The following PIWIL1 variants were observed in gnomAD, a reference collection of about 807,000 sequenced individuals.
The protein encoded by PIWIL1 is piwi-like protein 1.
In PIWIL1, 73 loss-of-function variants were observed where a neutral mutation model predicts 114.4. That is an observed-to-expected ratio of 0.64 (90% CI 0.53 to 0.78). The LOEUF (loss-of-function observed/expected upper bound fraction) is 0.78. Among genes scored for constraint, PIWIL1 ranks in the 30% least tolerant of loss-of-function variants. PIWIL1 has a pLI of 0.00. For synonymous variants in PIWIL1, 375 were observed against 369.0 expected, an observed-to-expected ratio of 1.02 and a Z score of -0.19; for missense variants, 723 against 1,063.1, an observed-to-expected ratio of 0.68 and a Z score of 4.45.
intron 9 of PIWIL1, among the ~76,000 whole-genome samples, chr12:130,352,508 G>A (rs888163351): frequency 6.6e-6 from 1 of 152,008 alleles, no homozygotes; most frequent in Admixed American, 6.6e-5. Flanking sequence ...GTGAAACCTC[G>A]TCTCTACTAA....
At chr12:130,392,540 A>G in the PIWIL1 span, among the ~76,000 whole-genome samples, 6 of 80,416 alleles carry the variant, frequency 7.5e-5, 1 homozygote, top group African/African-American at 2.1e-4. Context: ...GTGATGACCC[A>G]GTCACCATCA....
the PIWIL1 span, among the ~76,000 whole-genome samples, chr12:130,381,364 G>T: frequency 1.3e-5 from 2 of 152,154 alleles, no homozygotes; most frequent in Non-Finnish European, 2.9e-5. Context: ...AACCACTCAT[G>T]TTTTCACTGT....
At chr12:130,400,982 T>C in the PIWIL1 span, among the ~76,000 whole-genome samples, 6 of 152,194 alleles carry the variant, frequency 3.9e-5, no homozygotes, top group Non-Finnish European at 7.3e-5. Context: ...GAAGGTGAGA[T>C]GGTGCAGCTG....
In PIWIL1 at chr12:130,346,390, A is replaced by G. The variant is rs779913101; in HGVS notation, c.337A>G (p.Arg113Gly). The G allele has an allele frequency of 9.3e-6, 15 of 1,613,276 alleles. No homozygotes were observed. In the East Asian group the frequency reaches 3.3e-4, roughly 36 times the overall value. ...SKTGSSGIIV[R>G]LSTNHFRLTS... Reference sequence around the variant, plus strand: ...TCCAGGTTCTTCAGGCATTATAGTAAGGTTAAGCACTAACCATTTCCGGCT... The same window carrying G: ...TCCAGGTTCTTCAGGCATTATAGTAGGGTTAAGCACTAACCATTTCCGGCT... Residue 113 changes from arginine to glycine, a missense_variant, in exon 5 of 21, where the codon AGG (arginine) becomes GGG (glycine). Around this residue, in one of 8 missense-constraint regions of PIWIL1, gnomAD observed 190 missense variants for 294.4 expected, o/e 0.65. Coordinates refer to ENST00000245255, the MANE Select transcript of PIWIL1 (RefSeq NM_004764.5).
At chr12:130,363,782 T>G (rs942797161) in intron 18 of PIWIL1, among the ~76,000 whole-genome samples, 2 of 151,938 alleles carry the variant, frequency 1.3e-5, no homozygotes, top group South Asian at 4.2e-4. Flanking sequence ...CACACCTGGC[T>G]AATTTATGTA....
At chr12:130,411,235 G>A in the PIWIL1 span, among the ~76,000 whole-genome samples, 30 of 152,086 alleles carry the variant, frequency 2.0e-4, no homozygotes, top group Admixed American at 1.6e-3. Context: ...TTAGTTCTAG[G>A]AACTTTTTTA....
chr12:130,392,079 G>GTGTCC, the PIWIL1 span, among the ~76,000 whole-genome samples: 1 of 124,010 alleles, frequency 8.1e-6, no homozygotes, highest in Non-Finnish European at 1.8e-5. Context: ...GTCATCACGT[G>GTGTCC]GATGCATCAG....
At chr12:130,349,805 T>C in intron 8 of PIWIL1, 51 bp from the exon 9 acceptor site, 1 of 1,020,106 alleles carries the variant, frequency 9.8e-7, no homozygotes, top group Non-Finnish European at 1.5e-6. Context: ...CTTTTTAATA[T>C]TAGTTCTTCA....
chr12:130,412,604 G>T, the PIWIL1 span: 1 of 1,610,582 alleles, frequency 6.2e-7, no homozygotes, highest in South Asian at 1.1e-5. Context: ...AGGTCGAATA[G>T]GGGTTTGCGC....
intron 12 of PIWIL1, 97 bp downstream of exon 12, chr12:130,355,764 C>T: frequency 1.2e-6 from 1 of 849,594 alleles, no homozygotes; most frequent in Non-Finnish European, 2.0e-6. Context: ...CAGCTCACTG[C>T]AAGCTCCGAG....
At chr12:130,380,492 A>G in the PIWIL1 span, among the ~76,000 whole-genome samples, 1 of 152,214 alleles carries the variant, frequency 6.6e-6, no homozygotes, top group Non-Finnish European at 1.5e-5. Flanking sequence ...GTCGGGGTGG[A>G]GGGGAAAGGC....
At chr12:130,374,707 C>A (rs2073853362), downstream of PIWIL1, among the ~76,000 whole-genome samples, 1 of 152,220 alleles carries the variant, frequency 6.6e-6, no homozygotes, top group South Asian at 2.1e-4. Context: ...AACCCCACGA[C>A]CAGTGGCATG....
At chr12:130,354,796 G>A (rs2073319313) in intron 10 of PIWIL1, 92 bp from the exon 11 acceptor site, 10 of 1,402,786 alleles carry the variant, frequency 7.1e-6, no homozygotes, top group Non-Finnish European at 9.8e-6. Flanking sequence ...TTTGTCTCCT[G>A]GGAATTCCCA....
chr12:130,373,424 T>C (rs1441451372), downstream of PIWIL1, among the ~76,000 whole-genome samples: 5 of 152,144 alleles, frequency 3.3e-5, no homozygotes, highest in Non-Finnish European at 7.4e-5. Flanking sequence ...AATGTGATAA[T>C]TGTGGAAAAG....
chr12:130,371,748 T>C lies in PIWIL1; in HGVS notation c.*150T>C, dbSNP rs1487048245. The C allele has an allele frequency of 2.3e-5, 11 of 478,338 alleles. No individual in the cohort carries two copies. Among genetic ancestry groups the C allele is most frequent in the Non-Finnish European group, 3.7e-5 (10 of 268,314 alleles). 29.6% of individuals were successfully genotyped at this position (478,338 alleles called of 1,614,324 possible). ...TAGCATTTTATTTCTAGCATTGCTA[T>C]TCACCGGCTTCCTTATTTTATACGT... is the stretch of plus-strand genomic sequence containing the variant. On this transcript the variant is annotated 3_prime_UTR_variant, in exon 21 of 21. Coordinates refer to ENST00000245255, the MANE Select transcript of PIWIL1 (RefSeq NM_004764.5).
the PIWIL1 span, among the ~76,000 whole-genome samples, chr12:130,410,445 T>G: frequency 6.6e-6 from 1 of 152,200 alleles, no homozygotes; most frequent in East Asian, 1.9e-4. Context: ...CGTTGCCTGA[T>G]TATTATAAAG....
chr12:130,370,586 A>T (rs2073792258), intron 19 of PIWIL1, among the ~76,000 whole-genome samples: 1 of 152,176 alleles, frequency 6.6e-6, no homozygotes, highest in African/African-American at 2.4e-5. Context: ...TTCCCAATGG[A>T]TGGCTATACT....
intron 19 of PIWIL1, among the ~76,000 whole-genome samples, chr12:130,370,334 A>G (rs1204006090): frequency 6.6e-6 from 1 of 152,030 alleles, no homozygotes; most frequent in Non-Finnish European, 1.5e-5. Flanking sequence ...AGATTCAACC[A>G]ACCTCGGATC....
chr12:130,340,348 T>C (rs1386660530), intron 1 of PIWIL1, among the ~76,000 whole-genome samples: 2 of 152,082 alleles, frequency 1.3e-5, no homozygotes, highest in Non-Finnish European at 2.9e-5. Context: ...CAGGGACCGA[T>C]TTCCTGGAAG....
Sources: allele counts gnomAD v4.1 joint callset (sites outside exome capture counted in the v4.1 genomes callset), GRCh38; gene constraint gnomAD v4.1.1; regional missense constraint gnomAD v4.1.1; transcripts MANE v1.5; gene names NCBI Gene and HGNC (gene_info 2026-07-23, HGNC 2026-07-21).